LRRC28: variants seen among roughly 807,000 people sequenced by gnomAD.
The protein encoded by LRRC28 is leucine rich repeat containing 28.
LRRC28 carries 39 observed loss-of-function variants against 45.7 expected under a neutral mutation model. That is an observed-to-expected ratio of 0.85 (90% CI 0.66 to 1.12). The LOEUF (loss-of-function observed/expected upper bound fraction) is 1.12, where lower values mean the gene tolerates loss of function less well. Among genes scored for constraint, LRRC28 ranks in the 50% most tolerant of loss-of-function variants. The probability of loss-of-function intolerance (pLI) is 0.00; values close to 1 mark genes in which losing one functional copy is unlikely to be tolerated. For synonymous variants in LRRC28, 206 were observed against 178.8 expected, an observed-to-expected ratio of 1.15 and a Z score of -1.22; for missense variants, 435 against 438.5, an observed-to-expected ratio of 0.99 and a Z score of 0.07.
Position 99,276,606 on chromosome 15 carries a change from CT to C in LRRC28, c.201del (p.Val68TrpfsTer10). On this transcript the variant is annotated frameshift_variant, in exon 3 of 10. Coordinates refer to ENST00000301981, the MANE Select transcript of LRRC28 (RefSeq NM_144598.5). LOFTEE classifies it high-confidence loss of function. ...PENLAQKLPN[L>X]VELYLHSNNI... Reference sequence around the variant, plus strand: ...AAACCTTGCTCAGAAGCTTCCAAACCTTGTGGAACTGTGAGTCTGTTTATTC... The same window carrying C: ...AAACCTTGCTCAGAAGCTTCCAAACCTGTGGAACTGTGAGTCTGTTTATTC... The C allele has an allele frequency of 6.6e-7, 1 of 1,523,770 alleles. No homozygotes were observed. Among genetic ancestry groups the C allele is most frequent in the Middle Eastern group, 1.7e-4 (1 of 5,782 alleles). The allele number at this position is 1,523,770 out of a possible 1,614,324, so 94.4% of individuals were successfully genotyped here.
rs1181571064 is a variant in LRRC28 at position 99,257,662 on chromosome 15, G to A, written c.168+1537G>A. The A allele has an allele frequency of 5.4e-6, 4 of 735,908 alleles. No homozygotes were observed. The Admixed American group carries it at 7.1e-5, about 13-fold the overall frequency. The allele number at this position is 735,908 out of a possible 1,614,324, so 45.6% of individuals were successfully genotyped here. A position where few individuals can be genotyped will look rare whatever the true frequency, so the allele number is the denominator to read the frequency against. On this transcript the variant is annotated intron_variant, in intron 2 of 9. Transcript: ENST00000301981. ...CCCTGTGGGTGCTGGGGCCTCTGCT[G>A]CGTCCTGCTGACCTTCGGGTCGGTC...
intron 5 of LRRC28, among the ~76,000 whole-genome samples, chr15:99,292,351 C>G (rs1247212706): frequency 7.3e-6 from 1 of 136,242 alleles, no homozygotes; most frequent in South Asian, 2.3e-4. Context: ...ATTTATTAAT[C>G]GTACAGTCTT....
At position 99,361,400 on chromosome 15, in the gene LRRC28, G is replaced by T; in HGVS notation, c.760G>T (p.Val254Phe). The T allele has an allele frequency of 6.2e-7, 1 of 1,613,884 alleles. No individual in the cohort carries two copies. The highest frequency in any genetic ancestry group is 8.5e-7 in the Non-Finnish European group (1 of 1,179,934). ...TTCCTTTTCATCAGGGCAGCGAACC[G>T]TTTTCCTCCCAGCTGAGGTGAAGGC... ...LLSFSSGQRT[V>F]FLPAEVKAIG... is the part of the protein sequence containing the mutation. The change falls in exon 8 of 10, where the codon GTT becomes TTT. Residue 254 changes from valine to phenylalanine, a missense_variant. Val to Phe is a conservative substitution (Grantham distance 50). Transcript: ENST00000301981.
intron 7 of LRRC28, chr15:99,355,843 A>G (rs535054337): frequency 6.6e-6 from 1 of 152,210 alleles, no homozygotes; most frequent in Non-Finnish European, 1.5e-5. Flanking sequence ...CTAATGGTTT[A>G]TTAATATAAC....
chr15:99,310,868 A>G (rs1955381410), intron 5 of LRRC28, among the ~76,000 whole-genome samples: 1 of 152,220 alleles, frequency 6.6e-6, no homozygotes, highest in Non-Finnish European at 1.5e-5. Flanking sequence ...TGTGCTGTAG[A>G]TAAACACAAA....
At position 99,304,307 on chromosome 15, in the gene LRRC28, T is replaced by C. The variant is rs28473683; in HGVS notation, c.385+16356T>C. Reference sequence around the variant, plus strand: ...CTGGATACAAGTCATTTATCAGATATATGATTTGCAAATATTTTTTCTCAG... The same window carrying C: ...CTGGATACAAGTCATTTATCAGATACATGATTTGCAAATATTTTTTCTCAG... On this transcript the variant is annotated intron_variant, in intron 5 of 9. Transcript: ENST00000301981. Among the ~76,000 whole-genome samples the C allele has an allele frequency of 7.3e-3, 1,117 of 152,328 alleles. 11 individuals carry two copies. The highest frequency in any genetic ancestry group is 0.025 in the African/African-American group (1,038 of 41,570).
chr15:99,308,261 ATGCT>A (rs1955260638), intron 5 of LRRC28, among the ~76,000 whole-genome samples: 1 of 152,194 alleles, frequency 6.6e-6, no homozygotes, highest in Non-Finnish European at 1.5e-5. Context: ...AATCGAGACA[ATGCT>A]AGGTCTTCTG....
intron 3 of LRRC28, chr15:99,285,580 G>T (rs562875993): frequency 1.1e-5 from 8 of 743,694 alleles, no homozygotes; most frequent in African/African-American, 1.1e-4. Context: ...TAGACTTGAC[G>T]GCAGGGGGAG....
intron 5 of LRRC28, among the ~76,000 whole-genome samples, chr15:99,293,474 T>C (rs1309269621): frequency 6.6e-6 from 1 of 151,372 alleles, no homozygotes; most frequent in African/African-American, 2.4e-5. Context: ...ATGCCTGTAA[T>C]CCCAGCTACT....
chr15:99,257,364 A>G (rs1275268051), intron 2 of LRRC28, among the ~76,000 whole-genome samples: 1 of 152,212 alleles, frequency 6.6e-6, no homozygotes, highest in Non-Finnish European at 1.5e-5. Context: ...GAGAAGTGGT[A>G]TAAGAAATAT....
intron 5 of LRRC28, among the ~76,000 whole-genome samples, chr15:99,289,984 G>A (rs1271318196): frequency 2.7e-5 from 4 of 145,536 alleles, no homozygotes; most frequent in East Asian, 2.1e-4. Flanking sequence ...CAGGCTGGGC[G>A]CAGTGGATCA....
chr15:99,367,188 G>C (rs1347230777), intron 9 of LRRC28, among the ~76,000 whole-genome samples: 1 of 152,168 alleles, frequency 6.6e-6, no homozygotes, highest in Non-Finnish European at 1.5e-5. Context: ...ATAAAATCAG[G>C]GTTCCCAATA....
intron 5 of LRRC28, among the ~76,000 whole-genome samples, chr15:99,289,756 A>AC (rs1301189367): frequency 2.0e-5 from 3 of 148,474 alleles, no homozygotes; most frequent in Non-Finnish European, 3.0e-5. Context: ...ACAAGGTGAA[A>AC]CCCCGTCTCT....
intron 5 of LRRC28, among the ~76,000 whole-genome samples, chr15:99,302,194 T>C (rs1402816014): frequency 6.6e-6 from 1 of 151,586 alleles, no homozygotes; most frequent in Non-Finnish European, 1.5e-5. Context: ...GCCTGGCTAA[T>C]TTTTTTGTAT....
At chr15:99,286,136 T>A (rs1215004740) in intron 3 of LRRC28, among the ~76,000 whole-genome samples, 1 of 152,224 alleles carries the variant, frequency 6.6e-6, no homozygotes, top group Non-Finnish European at 1.5e-5. Context: ...TTTGTTTGTT[T>A]GTTTTTGTTT....
Position 99,389,496 on chromosome 15 carries a change from C to G in LRRC28, c.*3394C>G, listed in dbSNP as rs535491761. On this transcript the variant is annotated 3_prime_UTR_variant, in exon 10 of 10. Transcript: ENST00000301981. ...AGTACTTAAACACAATACATTGCCT[C>G]AGCATAAATAAAAACATTTTTATTA... The G allele has an allele frequency of 6.6e-6, 1 of 152,272 alleles. No individual in the cohort carries two copies. The highest frequency in any genetic ancestry group is 2.1e-4 in the South Asian group (1 of 4,826). 9.4% of individuals were successfully genotyped at this position (152,272 alleles called of 1,614,324 possible).
intron 6 of LRRC28, among the ~76,000 whole-genome samples, chr15:99,339,752 C>T (rs929636700): frequency 3.3e-5 from 5 of 150,808 alleles, no homozygotes; most frequent in South Asian, 2.1e-4. Context: ...TAATCAGGAA[C>T]GTTTAGCACA....
chr15:99,262,275 T>A (rs531919950), intron 2 of LRRC28, among the ~76,000 whole-genome samples: 1 of 152,228 alleles, frequency 6.6e-6, no homozygotes, highest in South Asian at 2.1e-4. Flanking sequence ...AGGGTAGACA[T>A]GTTTCATAAT....
intron 7 of LRRC28, among the ~76,000 whole-genome samples, chr15:99,356,401 TA>T (rs747580735): frequency 6.6e-6 from 1 of 152,206 alleles, no homozygotes; most frequent in East Asian, 1.9e-4. Flanking sequence ...GTGTCTGAAG[TA>T]AAAAATTAAC....
Sources: gnomAD v4.1 joint callset for allele counts (sites outside exome capture counted in the v4.1 genomes callset) on GRCh38, gnomAD v4.1.1 for gene constraint, MANE v1.5 for transcripts, NCBI Gene and HGNC (gene_info 2026-07-23, HGNC 2026-07-21) for gene names.